RNGTT: variants seen among roughly 807,000 people sequenced by gnomAD.
RNGTT encodes the protein RNA guanylyltransferase and 5'-phosphatase.
RNGTT carries 33 observed loss-of-function variants against 79.3 expected under a neutral mutation model. The ratio of observed to expected loss-of-function variants is 0.42; its 90% CI spans 0.32 to 0.56. RNGTT has a LOEUF of 0.56. Ranked by LOEUF, RNGTT falls within the 20% of genes least tolerant of loss-of-function variation. The probability of loss-of-function intolerance (pLI) is 0.17; values close to 1 mark genes in which losing one functional copy is unlikely to be tolerated. For synonymous variants in RNGTT, 222 were observed against 235.9 expected (o/e 0.94, Z 0.54); for missense variants, 497 against 739.1 (o/e 0.67, Z 3.80).
chr6:88,754,233 G>C (rs1049402079), intron 13 of RNGTT, among the ~76,000 whole-genome samples: 2 of 152,214 alleles, frequency 1.3e-5, no homozygotes, highest in East Asian at 1.9e-4. Context: ...TTCCTAGCAG[G>C]GGAAATGATT....
intron 13 of RNGTT, among the ~76,000 whole-genome samples, chr6:88,752,764 G>A (rs1777881087): frequency 6.6e-6 from 1 of 152,088 alleles, no homozygotes. Context: ...TGGATTATCT[G>A]TAAACCAAAG....
intron 2 of RNGTT, among the ~76,000 whole-genome samples, chr6:88,938,269 TATC>T (rs2127957465): frequency 6.6e-6 from 1 of 152,336 alleles, no homozygotes; most frequent in Non-Finnish European, 1.5e-5. Context: ...CTGATCCTTT[TATC>T]ATTATATAAT....
At chr6:88,725,180 G>T (rs566980317) in intron 13 of RNGTT, among the ~76,000 whole-genome samples, 2 of 152,208 alleles carry the variant, frequency 1.3e-5, no homozygotes, top group African/African-American at 4.8e-5. Flanking sequence ...GTTGTCTCTC[G>T]TGAGGAGGCG....
intron 13 of RNGTT, among the ~76,000 whole-genome samples, chr6:88,715,030 T>C (rs1259475045): frequency 1.3e-5 from 2 of 152,324 alleles, no homozygotes; most frequent in East Asian, 3.9e-4. Context: ...AAATTGTCCC[T>C]GTTTGCAGAT....
At chr6:88,750,145 C>T (rs1488599951) in intron 13 of RNGTT, among the ~76,000 whole-genome samples, 1 of 152,102 alleles carries the variant, frequency 6.6e-6, no homozygotes, top group African/African-American at 2.4e-5. Flanking sequence ...GTCACATTCA[C>T]AGGTACCAGG....
In RNGTT at chr6:88,611,003, T is replaced by G. The variant is rs1366299893; in HGVS notation, c.*1716A>C. 1 of 152,170 alleles carries G rather than the reference T, an allele frequency of 6.6e-6. No homozygotes were observed. The highest frequency in any genetic ancestry group is 1.9e-4 in the East Asian group (1 of 5,186). The allele number at this position is 152,170 out of a possible 1,614,324, so 9.4% of individuals were successfully genotyped here. A position where few individuals can be genotyped will look rare whatever the true frequency, so the allele number is the denominator to read the frequency against. On this transcript the variant is annotated 3_prime_UTR_variant, in exon 16 of 16. Coordinates refer to ENST00000369485, the MANE Select transcript of RNGTT (RefSeq NM_003800.5). ...ACTATGGAACCTTGAGAATTTTCCC[T>G]CCTTCAATAGTCATTGTGGCATCAG...
intron 12 of RNGTT, among the ~76,000 whole-genome samples, chr6:88,798,535 C>A (rs1293684559): frequency 2.0e-5 from 3 of 151,218 alleles, no homozygotes; most frequent in Non-Finnish European, 4.4e-5. Flanking sequence ...AGCAATTATA[C>A]CTAGATCCAA....
intron 11 of RNGTT, among the ~76,000 whole-genome samples, chr6:88,843,074 A>G (rs1295985921): frequency 6.6e-6 from 1 of 150,684 alleles, no homozygotes; most frequent in Non-Finnish European, 1.5e-5. Flanking sequence ...CCCTGCCTCA[A>G]AACAAAACAA....
intron 8 of RNGTT, among the ~76,000 whole-genome samples, chr6:88,871,910 T>C (rs1782369638): frequency 6.6e-6 from 1 of 152,076 alleles, no homozygotes; most frequent in African/African-American, 2.4e-5. Flanking sequence ...TTCCCCCCCA[T>C]AAAAACAAAC....
At chr6:88,854,241 ATTTT>A (rs371644319) in intron 8 of RNGTT, among the ~76,000 whole-genome samples, 2 of 151,966 alleles carry the variant, frequency 1.3e-5, no homozygotes, top group African/African-American at 4.8e-5. Context: ...ACAAATAATA[ATTTT>A]TTTAACTTTT....
At chr6:88,768,058 C>T (rs1187385575) in intron 13 of RNGTT, among the ~76,000 whole-genome samples, 1 of 151,936 alleles carries the variant, frequency 6.6e-6, no homozygotes, top group African/African-American at 2.4e-5. Context: ...TCAATATATT[C>T]TTGGGGGTTC....
intron 14 of RNGTT, among the ~76,000 whole-genome samples, chr6:88,620,564 A>T: frequency 6.6e-6 from 1 of 152,234 alleles, no homozygotes; most frequent in East Asian, 1.9e-4. Context: ...AAAATCCTAA[A>T]ATAAACTACG....
chr6:88,746,636 GA>G (rs899710617), intron 13 of RNGTT, among the ~76,000 whole-genome samples: 36 of 152,160 alleles, frequency 2.4e-4, no homozygotes, highest in Admixed American at 2.2e-3. Flanking sequence ...GCTCCTATGA[GA>G]ATCTAATACC....
intron 13 of RNGTT, among the ~76,000 whole-genome samples, chr6:88,734,487 C>A (rs941293609): frequency 6.6e-6 from 1 of 152,074 alleles, no homozygotes; most frequent in Admixed American, 6.6e-5. Context: ...AAATTCACTT[C>A]AACTGTTAAG....
At chr6:88,814,416 T>G (rs1252687017) in intron 11 of RNGTT, among the ~76,000 whole-genome samples, 1 of 152,222 alleles carries the variant, frequency 6.6e-6, no homozygotes, top group Non-Finnish European at 1.5e-5. Flanking sequence ...TGCCCTTCAC[T>G]GTCTATAGTC....
At chr6:88,703,658 C>A (rs1444992510) in intron 13 of RNGTT, among the ~76,000 whole-genome samples, 1 of 152,052 alleles carries the variant, frequency 6.6e-6, no homozygotes, top group African/African-American at 2.4e-5. Context: ...AGGTAATAAA[C>A]CTACACATGT....
At chr6:88,771,428 G>C (rs1778679460) in intron 12 of RNGTT, among the ~76,000 whole-genome samples, 2 of 147,240 alleles carry the variant, frequency 1.4e-5, no homozygotes, top group Non-Finnish European at 3.0e-5. Flanking sequence ...CCTGCTAATA[G>C]AATAGTCTCA....
Position 88,657,806 on chromosome 6 carries a change from G to A in RNGTT, c.1506+20547C>T, listed in dbSNP as rs1486946813. Among the ~76,000 whole-genome samples, 3 of 152,252 alleles carry A rather than the reference G, an allele frequency of 2.0e-5. No homozygotes were observed. In the East Asian group the frequency reaches 5.8e-4, roughly 30 times the overall value. On this transcript the variant is annotated intron_variant, in intron 14 of 15. Transcript: ENST00000369485. ...TGCCAGCTTTCCCCACTTGCCTGGT[G>A]ACCTGTATGATGCAGCAGAGGCAGC...
chr6:88,702,847 T>G (rs1361119256), intron 13 of RNGTT, among the ~76,000 whole-genome samples: 1 of 151,994 alleles, frequency 6.6e-6, no homozygotes, highest in Admixed American at 6.6e-5. Flanking sequence ...CTGAAACAAC[T>G]GAACAAGCAA....
Sources: allele counts gnomAD v4.1 joint callset (sites outside exome capture counted in the v4.1 genomes callset), GRCh38; gene constraint gnomAD v4.1.1; transcripts MANE v1.5; gene names NCBI Gene and HGNC (gene_info 2026-07-23, HGNC 2026-07-21).